Variants in COL13A1 observed in about 807,000 individuals in gnomAD.
The protein encoded by COL13A1 is collagen alpha-1(XIII) chain.
COL13A1 carries 89 observed loss-of-function variants against 130.9 expected under a neutral mutation model. The observed-to-expected ratio is 0.68, with a 90% CI of 0.57 to 0.81. The LOEUF (loss-of-function observed/expected upper bound fraction) is 0.81. Among genes scored for constraint, COL13A1 ranks in the 30% least tolerant of loss-of-function variants. The pLI, the probability that COL13A1 is intolerant of heterozygous loss-of-function variation, is 0.00. For missense variants in COL13A1, 879 were observed against 934.6 expected (o/e 0.94, Z 0.78); for synonymous variants, 402 against 341.6 (o/e 1.18, Z -1.95).
At chr10:69,931,470 C>T (rs1295463017) in intron 30 of COL13A1, among the ~76,000 whole-genome samples, 2 of 152,176 alleles carry the variant, frequency 1.3e-5, no homozygotes, top group Non-Finnish European at 2.9e-5. Flanking sequence ...CCTTGGCTCA[C>T]GGTATGATGG....
chr10:69,839,341 A>T (rs899374395), intron 2 of COL13A1, among the ~76,000 whole-genome samples: 1 of 152,274 alleles, frequency 6.6e-6, no homozygotes, highest in African/African-American at 2.4e-5. Context: ...GAAATTAACA[A>T]GAAAATATCC....
rs1263403749 is a variant in COL13A1, at chr10:69,921,895, C to T, written c.1103C>T (p.Ala368Val). The T allele has an allele frequency of 1.2e-6, 2 of 1,607,130 alleles. No homozygotes were observed. The highest frequency in any genetic ancestry group is 1.7e-6 in the Non-Finnish European group (2 of 1,177,152). Residue 368 changes from alanine (A) to valine (V), a missense_variant, in exon 22 of 41, where the codon GCT becomes GTT. Coordinates refer to ENST00000645393, the MANE Select transcript of COL13A1 (RefSeq NM_001368882.1). ...GKRGQRGEKG[A>V]EGSPGLPGLL... Reference sequence around the variant, plus strand: ...ATCTCCCTGCAGGGTGAGAAGGGGGCTGAAGGCTCCCCTGGGCTTCCTGGC... The same window carrying T: ...ATCTCCCTGCAGGGTGAGAAGGGGGTTGAAGGCTCCCCTGGGCTTCCTGGC...
chr10:69,936,202 G>A (rs1268752396), intron 32 of COL13A1, among the ~76,000 whole-genome samples: 5 of 150,766 alleles, frequency 3.3e-5, no homozygotes, highest in East Asian at 4.0e-4. Flanking sequence ...AAGGAAGGGC[G>A]AGCCCCAGCC....
chr10:69,900,494 A>T (rs1589394065), intron 14 of COL13A1, among the ~76,000 whole-genome samples: 1 of 152,352 alleles, frequency 6.6e-6, no homozygotes. Context: ...AAGTAGAGAA[A>T]GAAGACGAGG....
At chr10:69,831,613 G>T (rs1375934270) in intron 2 of COL13A1, among the ~76,000 whole-genome samples, 1 of 152,184 alleles carries the variant, frequency 6.6e-6, no homozygotes, top group East Asian at 1.9e-4. Flanking sequence ...AGGTGATAGG[G>T]AGATAAGTTA....
intron 9 of COL13A1, among the ~76,000 whole-genome samples, 200 bp from the exon 10 acceptor site, chr10:69,889,214 G>A (rs538126366): frequency 3.2e-4 from 48 of 152,248 alleles, no homozygotes; most frequent in Admixed American, 1.9e-3. Context: ...GGCCCAGCGA[G>A]GGGCAGTGAG....
intron 2 of COL13A1, among the ~76,000 whole-genome samples, chr10:69,832,445 T>A (rs1002238606): frequency 5.3e-5 from 8 of 152,230 alleles, no homozygotes; most frequent in Non-Finnish European, 8.8e-5. Flanking sequence ...AGGGTTATTA[T>A]GAAAGTTCTT....
chr10:69,824,730 G>A (rs1227767), intron 2 of COL13A1, among the ~76,000 whole-genome samples: 121,029 of 152,152 alleles, frequency 0.8, 48,281 homozygotes, highest in South Asian at 0.89. Flanking sequence ...GAGGAAGAGT[G>A]GGCAGGGGCT....
intron 2 of COL13A1, among the ~76,000 whole-genome samples, chr10:69,843,171 G>A (rs1852072745): frequency 6.6e-6 from 1 of 152,148 alleles, no homozygotes. Flanking sequence ...TGTTGCTCAA[G>A]TGGTCAGAAG....
chr10:69,839,175 T>C (rs1279574257), intron 2 of COL13A1, among the ~76,000 whole-genome samples: 1 of 152,210 alleles, frequency 6.6e-6, no homozygotes, highest in Non-Finnish European at 1.5e-5. Flanking sequence ...CATTCATTCA[T>C]TCATTCGTTC....
At chr10:69,853,733 G>T (rs2683563) in intron 2 of COL13A1, among the ~76,000 whole-genome samples, 65,605 of 152,086 alleles carry the variant, frequency 0.43, 14,527 homozygotes, top group East Asian at 0.6. Flanking sequence ...CCATGTTAAA[G>T]ATGTCGTTTC....
In COL13A1 at chr10:69,923,797, C is replaced by T; in HGVS notation, c.1231-5C>T. On this transcript the variant is annotated splice_polypyrimidine_tract_variant and splice_region_variant and intron_variant, in intron 23 of 40. Transcript: ENST00000645393. ...CCCTCATCCCAACTCTCTCCTCTTC[C>T]CCAGGGAGAAGCAGGTGTCGATGGC... 1 of 1,609,346 alleles carries T rather than the reference C, an allele frequency of 6.2e-7. No homozygotes were observed.
At chr10:69,880,303 G>A (rs1036930750) in intron 6 of COL13A1, among the ~76,000 whole-genome samples, 200 bp from the exon 7 acceptor site, 6 of 150,582 alleles carry the variant, frequency 4.0e-5, no homozygotes, top group Non-Finnish European at 7.4e-5. Flanking sequence ...CTCCCTCCTT[G>A]CCCCTGTGCC....
intron 2 of COL13A1, among the ~76,000 whole-genome samples, chr10:69,853,840 C>T (rs573771822): frequency 1.3e-5 from 2 of 152,228 alleles, no homozygotes; most frequent in East Asian, 3.9e-4. Context: ...GCTCTGTGAA[C>T]GTAGGTATGC....
At chr10:69,906,270 G>T (rs71507033) in intron 17 of COL13A1, among the ~76,000 whole-genome samples, 14,215 of 152,238 alleles carry the variant, frequency 0.093, 720 homozygotes, top group Middle Eastern at 0.14. Context: ...TATCTATTGC[G>T]GTGTAACAAA....
At chr10:69,892,095 C>T (rs958535746) in intron 10 of COL13A1, among the ~76,000 whole-genome samples, 3 of 152,194 alleles carry the variant, frequency 2.0e-5, no homozygotes, top group Non-Finnish European at 4.4e-5. Flanking sequence ...GGCAGGCCCA[C>T]CCCCTCTCTC....
At chr10:69,835,250 C>T (rs1416086461) in intron 2 of COL13A1, among the ~76,000 whole-genome samples, 3 of 152,102 alleles carry the variant, frequency 2.0e-5, no homozygotes, top group African/African-American at 4.8e-5. Context: ...CACAGTGACG[C>T]TAAAGGAATG....
chr10:69,905,057 A>T, intron 16 of COL13A1, 98 bp downstream of exon 16: 1 of 1,361,246 alleles, frequency 7.3e-7, no homozygotes, highest in Non-Finnish European at 1.0e-6. Flanking sequence ...AGGAGCAGAG[A>T]GGGATCTCAG....
chr10:69,874,542 G>A (rs868363093), intron 4 of COL13A1, among the ~76,000 whole-genome samples: 1 of 152,188 alleles, frequency 6.6e-6, no homozygotes, highest in African/African-American at 2.4e-5. Context: ...CTCGTGATTC[G>A]GCTGAATCCA....
Sources: gnomAD v4.1 joint callset for allele counts (sites outside exome capture counted in the v4.1 genomes callset) on GRCh38, gnomAD v4.1.1 for gene constraint, MANE v1.5 for transcripts, NCBI Gene and HGNC (gene_info 2026-07-23, HGNC 2026-07-21) for gene names.